The following CCDC190 variants were observed in gnomAD, a reference collection of about 807,000 sequenced individuals.
CCDC190 encodes the protein coiled-coil domain-containing protein 190.
In CCDC190, 10 loss-of-function variants were observed where a neutral mutation model predicts 13.1. That is an observed-to-expected ratio of 0.77 (90% CI 0.47 to 1.30). The LOEUF is 1.30. Ranked by LOEUF, CCDC190 falls within the 50% of genes most tolerant of loss-of-function variation. The pLI, the probability that CCDC190 is intolerant of heterozygous loss-of-function variation, is 0.00. For missense variants in CCDC190, 375 were observed against 354.3 expected (o/e 1.06, Z -0.47); for synonymous variants, 136 against 127.2 (o/e 1.07, Z -0.47).
chr1:162,863,284 T>A (rs772298826), upstream of CCDC190, among the ~76,000 whole-genome samples: 12 of 152,350 alleles, frequency 7.9e-5, no homozygotes, highest in South Asian at 1.5e-3. Flanking sequence ...ACTATGTGAC[T>A]GTCCTATCCC....
rs970467524 is a variant in CCDC190 at position 162,853,500 on chromosome 1, T to C, written c.*1265A>G. Among the ~76,000 whole-genome samples the C allele has an allele frequency of 6.6e-6, 1 of 152,226 alleles. No individual in the cohort carries two copies. Among genetic ancestry groups the C allele is most frequent in the Non-Finnish European group, 1.5e-5 (1 of 68,046 alleles). On this transcript the variant is annotated 3_prime_UTR_variant, in exon 4 of 4. Coordinates refer to ENST00000367912, the MANE Select transcript of CCDC190 (RefSeq NM_001394065.1). ...CAAGGAATTCTAAATCTGAATTAAA[T>C]GAAATGTTTTCAAATTAAATATACT... is the stretch of plus-strand genomic sequence containing the variant.
Position 162,851,386 on chromosome 1 carries a change from C to G in CCDC190, c.*3379G>C, listed in dbSNP as rs1157165298. 1 of 150,786 alleles carries G rather than the reference C, an allele frequency of 6.6e-6. No individual in the cohort carries two copies. Among genetic ancestry groups the G allele is most frequent in the South Asian group, 2.1e-4 (1 of 4,744 alleles). The allele number at this position is 150,786 out of a possible 1,614,324, so 9.3% of individuals were successfully genotyped here. A position where few individuals can be genotyped will look rare whatever the true frequency, so the allele number is the denominator to read the frequency against. ...GCTGACATCTGTTTGGACTGGTACC[C>G]TCTGCTTCCCTGGTACTCTTGGTGT... is the stretch of plus-strand genomic sequence containing the variant. On this transcript the variant is annotated 3_prime_UTR_variant, in exon 4 of 4. Transcript: ENST00000367912.
chr1:162,858,026 T>C (rs1355285), intron 2 of CCDC190, among the ~76,000 whole-genome samples: 23,349 of 152,228 alleles, frequency 0.15, 1,945 homozygotes, highest in African/African-American at 0.2. Flanking sequence ...TGGCATATCA[T>C]TGAATCTCAA....
upstream of CCDC190, among the ~76,000 whole-genome samples, chr1:162,863,017 G>A (rs1204249329): frequency 6.6e-6 from 1 of 151,466 alleles, no homozygotes; most frequent in African/African-American, 2.4e-5. Flanking sequence ...ATATCATTAA[G>A]GAACAAGAAA....
chr1:162,854,431 A>G lies in CCDC190; in HGVS notation c.*334T>C, dbSNP rs1390981978. 9.4e-7 allele frequency: 1 copy of G among 1,062,118 alleles called. No homozygotes were observed. The highest frequency in any genetic ancestry group is 3.6e-5 in the South Asian group (1 of 27,652). The allele number at this position is 1,062,118 out of a possible 1,614,324, so 65.8% of individuals were successfully genotyped here. On this transcript the variant is annotated 3_prime_UTR_variant, in exon 4 of 4. Transcript: ENST00000367912. ...TGCCGTTTTGCCAGCAGGTGGCACCATGAGAATCTCCTAGAGGAAACAGGA... is the reference window on the plus strand; with the variant it reads ...TGCCGTTTTGCCAGCAGGTGGCACCGTGAGAATCTCCTAGAGGAAACAGGA...
intron 2 of CCDC190, among the ~76,000 whole-genome samples, chr1:162,859,231 G>A (rs932587402): frequency 6.6e-6 from 1 of 152,218 alleles, no homozygotes; most frequent in East Asian, 1.9e-4. Context: ...GCAGTGACTG[G>A]AAGCCTGAGA....
Position 162,854,564 on chromosome 1 carries a change from T to C in CCDC190, c.*201A>G. 3 of 1,357,788 alleles carry C rather than the reference T, an allele frequency of 2.2e-6. No individual in the cohort carries two copies. Among genetic ancestry groups the C allele is most frequent in the Non-Finnish European group, 2.8e-6 (3 of 1,057,754 alleles). 84.1% of individuals were successfully genotyped at this position (1,357,788 alleles called of 1,614,324 possible). A position where few individuals can be genotyped will look rare whatever the true frequency, so the allele number is the denominator to read the frequency against. ...ATCACTTAAAATATTTTCAGAAGATTCATTCTTCCTCTCCTTTTTCATATA... is the reference window on the plus strand; with the variant it reads ...ATCACTTAAAATATTTTCAGAAGATCCATTCTTCCTCTCCTTTTTCATATA... On this transcript the variant is annotated 3_prime_UTR_variant, in exon 4 of 4. Coordinates refer to ENST00000367912, the MANE Select transcript of CCDC190 (RefSeq NM_001394065.1).
chr1:162,854,714 A>C lies in CCDC190; in HGVS notation c.*51T>G. 6.5e-7 allele frequency: 1 copy of C among 1,534,834 alleles called. No individual in the cohort carries two copies. Among genetic ancestry groups the C allele is most frequent in the Non-Finnish European group, 8.8e-7 (1 of 1,142,272 alleles). ...TGCTTAATATAGTCATTTGAGGAAC[A>C]CATTTCCTTAGCAATAATGGCATAT... On this transcript the variant is annotated 3_prime_UTR_variant, in exon 4 of 4. Transcript: ENST00000367912.
chr1:162,862,553 C>G (rs919051388), upstream of CCDC190, among the ~76,000 whole-genome samples: 1 of 152,172 alleles, frequency 6.6e-6, no homozygotes, highest in Non-Finnish European at 1.5e-5. Context: ...GAGGCAGAGA[C>G]AGAAGGGATG....
intron 3 of CCDC190, 99 bp from the exon 4 acceptor site, chr1:162,855,458 C>A: frequency 2.7e-6 from 4 of 1,472,918 alleles, no homozygotes; most frequent in South Asian, 1.4e-5. Context: ...CAGTATCGGC[C>A]AAGGTAATAT....
intron 2 of CCDC190, among the ~76,000 whole-genome samples, chr1:162,858,743 T>A (rs963033567): frequency 4.6e-5 from 7 of 152,218 alleles, no homozygotes; most frequent in African/African-American, 1.7e-4. Context: ...AATCTAATTA[T>A]TTTAATGATG....
In CCDC190 at chr1:162,858,438, A is replaced by G. The variant is rs567797098; in HGVS notation, c.187+1022T>C. On this transcript the variant is annotated intron_variant, in intron 2 of 3. Coordinates refer to ENST00000367912, the MANE Select transcript of CCDC190 (RefSeq NM_001394065.1). ...GTTTAACCATTTATTGCAGACAGGG[A>G]AATTGAAAGCAGAGGACTTCAGTTA... 4.6e-5 allele frequency among the ~76,000 whole-genome samples: 7 copies of G among 152,352 alleles called. No individual in the cohort carries two copies. In the South Asian group the frequency reaches 1.4e-3, roughly 32 times the overall value.
chr1:162,855,209 T>C lies in CCDC190; in HGVS notation c.462A>G (p.Pro154=), dbSNP rs370447374. 16 of 1,613,996 alleles carry C rather than the reference T, an allele frequency of 9.9e-6. No individual in the cohort carries two copies. The highest frequency in any genetic ancestry group is 1.4e-5 in the Non-Finnish European group (16 of 1,179,888). Residue 154 remains proline (P), a synonymous_variant, in exon 4 of 4, where the codon CCA becomes CCG. Transcript: ENST00000367912. The part of the protein sequence containing the change: ...NRTACFIKEQ[P]QAQEKDSVNP... The stretch of plus-strand genomic sequence containing the variant: ...TCACAGAATCTTTCTCTTGGGCTTG[T>C]GGTTGCTCTTTTATGAAGCAGGCAG...
intron 1 of CCDC190, among the ~76,000 whole-genome samples, chr1:162,868,255 A>T (rs984858867): frequency 6.6e-6 from 1 of 152,218 alleles, no homozygotes; most frequent in African/African-American, 2.4e-5. Flanking sequence ...AGTGGTAAAC[A>T]TGTGGGTACA....
At chr1:162,855,825 A>G (rs1571040412) in intron 2 of CCDC190, 70 bp from the exon 3 acceptor site, 1 of 1,390,354 alleles carries the variant, frequency 7.2e-7, no homozygotes, top group African/African-American at 1.4e-5. Flanking sequence ...TCAAGTCCTA[A>G]CCCCCAGTAC....
rs762431429 is a variant in CCDC190 at position 162,859,474 on chromosome 1, T to C, written c.173A>G (p.Gln58Arg). Residue 58 changes from glutamine (Q) to arginine (R), a missense_variant, in exon 2 of 4, where the codon CAG becomes CGG. By Grantham distance (43) the Gln-to-Arg change is conservative. Coordinates refer to ENST00000367912, the MANE Select transcript of CCDC190 (RefSeq NM_001394065.1). Reference sequence around the variant, plus strand: ...GAAAGTCTTACCTTGCTGCAACCTCTGCAGTTCTTTTTGGAGCTGCCTCTG... The same window carrying C: ...GAAAGTCTTACCTTGCTGCAACCTCCGCAGTTCTTTTTGGAGCTGCCTCTG... ...WEQRQLQKEL[Q>R]RLQQETMKKK... is the part of the protein sequence containing the mutation. 1.2e-6 allele frequency: 2 copies of C among 1,613,442 alleles called. No individual in the cohort carries two copies. The highest frequency in any genetic ancestry group is 1.7e-6 in the Non-Finnish European group (2 of 1,179,672).
In CCDC190 at chr1:162,855,681, A is replaced by T; in HGVS notation, c.262T>A (p.Ser88Thr). 1 of 1,613,798 alleles carries T rather than the reference A, an allele frequency of 6.2e-7. No homozygotes were observed. Among genetic ancestry groups the T allele is most frequent in the Non-Finnish European group, 8.5e-7 (1 of 1,179,732 alleles). Residue 88 changes from serine to threonine, a missense_variant, in exon 3 of 4, where the codon TCA (serine) becomes ACA (threonine). By Grantham distance (58) the Ser-to-Thr change is moderately conservative (BLOSUM62 1). Transcript: ENST00000367912. ...CTGTGCTTCTGCCTTCCCTGTGGTG[A>T]GAACACGAGAACATCTTCTGGTCTC... is the stretch of plus-strand genomic sequence containing the variant. ...QKRPEDVLVF[S>T]PQGRQKHRAP...
chr1:162,855,304 G>A lies in CCDC190; in HGVS notation c.367C>T (p.Pro123Ser). ...DTCKSKSQVP[P>S]SHDAGLKDPM... ...TCTTTGAGGCCAGCATCATGTGAAGGAGGCACCTGGGACTTGCTTTTGCAT... is the reference window on the plus strand; with the variant it reads ...TCTTTGAGGCCAGCATCATGTGAAGAAGGCACCTGGGACTTGCTTTTGCAT... Residue 123 changes from proline (P) to serine (S), a missense_variant, in exon 4 of 4, where the codon CCT becomes TCT. Physicochemically the swap from Pro to Ser is moderately conservative, Grantham distance 74. Coordinates refer to ENST00000367912, the MANE Select transcript of CCDC190 (RefSeq NM_001394065.1). 1.2e-6 allele frequency: 2 copies of A among 1,613,332 alleles called. No homozygotes were observed. Among genetic ancestry groups the A allele is most frequent in the South Asian group, 1.1e-5 (1 of 91,070 alleles).
At position 162,855,373 on chromosome 1, in the gene CCDC190, T is replaced by A. The variant is rs756472091; in HGVS notation, c.312-14A>T. The A allele has an allele frequency of 5.1e-5, 80 of 1,577,770 alleles. No individual in the cohort carries two copies. Among genetic ancestry groups the A allele is most frequent in the Admixed American group, 1.9e-4 (10 of 52,274 alleles). On this transcript the variant is annotated splice_polypyrimidine_tract_variant and intron_variant, in intron 3 of 3. Transcript: ENST00000367912. Reference sequence around the variant, plus strand: ...GTTGCCAATGCTCTGAGAAAGGACATAAAAGAAAGATCTCTGAAAACCAAT... The same window carrying A: ...GTTGCCAATGCTCTGAGAAAGGACAAAAAAGAAAGATCTCTGAAAACCAAT...
Sources: allele counts gnomAD v4.1 joint callset (sites outside exome capture counted in the v4.1 genomes callset), GRCh38; gene constraint gnomAD v4.1.1; transcripts MANE v1.5; gene names NCBI Gene and HGNC (gene_info 2026-07-23, HGNC 2026-07-21).